The following SRPK2 variants were observed in gnomAD, a reference collection of about 807,000 sequenced individuals.
The protein encoded by SRPK2 is SFRS protein kinase 2.
A neutral mutation model predicts 90.8 loss-of-function variants in SRPK2; 21 were observed. The observed-to-expected ratio is 0.23, with a 90% CI of 0.16 to 0.33. The LOEUF is 0.33. Ranked by LOEUF, SRPK2 falls within the 10% of genes least tolerant of loss-of-function variation. SRPK2 has a pLI of 1.00. For missense variants in SRPK2, 620 were observed against 869.0 expected (o/e 0.71, Z 3.60); for synonymous variants, 288 against 311.1 (o/e 0.93, Z 0.78).
intron 2 of SRPK2, among the ~76,000 whole-genome samples, chr7:105,325,551 CAAAAAAA>C (rs34722293): frequency 4.2e-5 from 3 of 71,518 alleles, no homozygotes; most frequent in Non-Finnish European, 8.0e-5. Context: ...TTTCTCAAGG[CAAAAAAA>C]AAAAAAAAAA....
At chr7:105,306,250 AG>A (rs759203064) in intron 2 of SRPK2, 7 of 182,046 alleles carry the variant, frequency 3.8e-5, no homozygotes, top group Non-Finnish European at 7.0e-5. Flanking sequence ...CCATTTTGCT[AG>A]GAAGAGAAAA....
At chr7:105,356,862 T>C (rs571986697) in intron 2 of SRPK2, among the ~76,000 whole-genome samples, 38 of 152,246 alleles carry the variant, frequency 2.5e-4, no homozygotes, top group Middle Eastern at 3.4e-3. Context: ...AGGCAAAATA[T>C]GAGAAATGAA....
At chr7:105,188,957 G>A (rs1211398732) in intron 3 of SRPK2, among the ~76,000 whole-genome samples, 2 of 152,146 alleles carry the variant, frequency 1.3e-5, no homozygotes. Flanking sequence ...AAACCCTTAT[G>A]CTACAGTGAG....
chr7:105,391,889 A>AT (rs1822191803), upstream of SRPK2, among the ~76,000 whole-genome samples: 3 of 152,198 alleles, frequency 2.0e-5, no homozygotes, highest in Non-Finnish European at 4.4e-5. Flanking sequence ...AGATACTCAA[A>AT]CAAATCTTTG....
In SRPK2 at chr7:105,198,133, A is replaced by G. The variant is rs565473591; in HGVS notation, c.229+5495T>C. ...TAGAAGGATGATACATGCAGACCTTAGAATGGAGCAGATTTTAGTGTTCAA... is the reference window on the plus strand; with the variant it reads ...TAGAAGGATGATACATGCAGACCTTGGAATGGAGCAGATTTTAGTGTTCAA... On this transcript the variant is annotated intron_variant, in intron 3 of 15. Transcript: ENST00000393651. Among the ~76,000 whole-genome samples, 3 of 152,360 alleles carry G rather than the reference A, an allele frequency of 2.0e-5. No individual in the cohort carries two copies. In the South Asian group the frequency reaches 6.2e-4, roughly 32 times the overall value.
At chr7:105,212,451 T>G (rs1416901115) in intron 2 of SRPK2, among the ~76,000 whole-genome samples, 1 of 152,182 alleles carries the variant, frequency 6.6e-6, no homozygotes, top group Non-Finnish European at 1.5e-5. Flanking sequence ...AGAATGAGGC[T>G]GACTGCAGGA....
Position 105,388,593 on chromosome 7 carries a change from G to A in SRPK2, c.71+55C>T, listed in dbSNP as rs1586027558. 7.3e-6 allele frequency: 11 copies of A among 1,497,876 alleles called. No individual in the cohort carries two copies. In the African/African-American group the frequency reaches 8.6e-5, roughly 12 times the overall value. 92.8% of individuals were successfully genotyped at this position (1,497,876 alleles called of 1,614,324 possible). On this transcript the variant is annotated intron_variant, in intron 2 of 15. Coordinates refer to ENST00000393651, the MANE Select transcript of SRPK2 (RefSeq NM_182692.3). Reference sequence around the variant, plus strand: ...GACAACTTTCCCCTGCGCGGCCGCGGGCGCCCCCGACGGGGCGGGGGTGGG... The same window carrying A: ...GACAACTTTCCCCTGCGCGGCCGCGAGCGCCCCCGACGGGGCGGGGGTGGG...
intron 2 of SRPK2, among the ~76,000 whole-genome samples, chr7:105,375,817 C>T (rs538485245): frequency 1.1e-4 from 17 of 151,916 alleles, no homozygotes; most frequent in Admixed American, 9.2e-4. Flanking sequence ...ATGCAATATT[C>T]CAGAACGGTA....
chr7:105,356,484 G>A lies in SRPK2; in HGVS notation c.71+32164C>T, dbSNP rs144630024. Among the ~76,000 whole-genome samples, 16 of 152,178 alleles carry A rather than the reference G, an allele frequency of 1.1e-4. No individual in the cohort carries two copies. The East Asian group carries it at 2.9e-3, about 28-fold the overall frequency. On this transcript the variant is annotated intron_variant, in intron 2 of 15. Coordinates refer to ENST00000393651, the MANE Select transcript of SRPK2 (RefSeq NM_182692.3). ...GTTGTGACAATTAAACCTGATAAAT[G>A]CATATTAAAGTATGTAGCAGAATGC...
chr7:105,232,458 T>TAAA (rs10533429), intron 2 of SRPK2, among the ~76,000 whole-genome samples: 5 of 132,100 alleles, frequency 3.8e-5, no homozygotes, highest in South Asian at 2.4e-4. Flanking sequence ...AAACCTTATC[T>TAAA]AAAAAAAAAA....
intron 2 of SRPK2, among the ~76,000 whole-genome samples, chr7:105,244,040 A>G (rs1801220379): frequency 6.6e-6 from 1 of 152,206 alleles, no homozygotes; most frequent in Non-Finnish European, 1.5e-5. Flanking sequence ...CTAGAAGGAA[A>G]GAGCTGCCAT....
At chr7:105,142,606 A>G (rs1209694585) in intron 10 of SRPK2, 116 bp from the exon 11 acceptor site, 3 of 1,385,682 alleles carry the variant, frequency 2.2e-6, no homozygotes, top group Non-Finnish European at 2.9e-6. Context: ...ACCACCTGGT[A>G]AACACCTCTT....
intron 2 of SRPK2, chr7:105,205,971 T>C (rs1796184455): frequency 1.9e-6 from 1 of 518,848 alleles, no homozygotes; most frequent in Non-Finnish European, 3.8e-6. Flanking sequence ...AGAAACTACT[T>C]GAAGAAAAGA....
At chr7:105,149,172 TG>T (rs1805147623) in intron 7 of SRPK2, among the ~76,000 whole-genome samples, 1 of 152,168 alleles carries the variant, frequency 6.6e-6, no homozygotes, top group Non-Finnish European at 1.5e-5. Flanking sequence ...TGCCTGCCCC[TG>T]GGAACTGAAT....
chr7:105,255,931 A>T (rs1277238982), intron 2 of SRPK2, among the ~76,000 whole-genome samples: 1 of 125,406 alleles, frequency 8.0e-6, no homozygotes, highest in Non-Finnish European at 1.9e-5. Context: ...CAAATTGAAA[A>T]AAAAAAAAAG....
Position 105,117,405 on chromosome 7 carries a change from A to G in SRPK2, c.*433T>C. The stretch of plus-strand genomic sequence containing the variant: ...AATGATGTCCCTTTGCCAGAAGATA[A>G]AATTGTACATTTCCTTGCTATTTCT... On this transcript the variant is annotated 3_prime_UTR_variant, in exon 16 of 16. Transcript: ENST00000393651. The G allele has an allele frequency of 5.3e-6, 1 of 187,908 alleles. No homozygotes were observed. 11.6% of individuals were successfully genotyped at this position (187,908 alleles called of 1,614,324 possible).
intron 2 of SRPK2, among the ~76,000 whole-genome samples, chr7:105,314,694 T>C (rs1400479389): frequency 6.6e-6 from 1 of 152,244 alleles, no homozygotes; most frequent in Admixed American, 6.5e-5. Context: ...CAAAACATAT[T>C]TTGTAAATGC....
At chr7:105,183,595 T>A (rs1355425826) in intron 3 of SRPK2, among the ~76,000 whole-genome samples, 4 of 152,200 alleles carry the variant, frequency 2.6e-5, no homozygotes, top group Non-Finnish European at 4.4e-5. Context: ...CAAGCCATTA[T>A]CCTGCCTCAG....
chr7:105,388,660 TTC>T lies in SRPK2; in HGVS notation c.57_58del (p.Lys20ThrfsTer45). The T allele has an allele frequency of 2.5e-6, 4 of 1,586,312 alleles. No individual in the cohort carries two copies. Among genetic ancestry groups the T allele is most frequent in the Non-Finnish European group, 3.4e-6 (4 of 1,166,220 alleles). ...AGCGTGGACTCACTTTTTCGGATGTTTCTCTCTTTTCGGCCTCCGCTTTCGGG... is the reference window on the plus strand; with the variant it reads ...AGCGTGGACTCACTTTTTCGGATGTTTCTCTTTTCGGCCTCCGCTTTCGGG... On this transcript the variant is annotated frameshift_variant, in exon 2 of 16. Transcript: ENST00000393651. LOFTEE classifies it high-confidence loss of function.
Sources: allele counts gnomAD v4.1 joint callset (sites outside exome capture counted in the v4.1 genomes callset), GRCh38; gene constraint gnomAD v4.1.1; transcripts MANE v1.5; gene names NCBI Gene and HGNC (gene_info 2026-07-23, HGNC 2026-07-21).